USP42: variants seen among roughly 807,000 people sequenced by gnomAD.
USP42 encodes ubiquitin specific peptidase 42, also known as ubiquitin carboxyl-terminal hydrolase 42.
Under a neutral mutation model 113.0 loss-of-function variants are expected in USP42, and 23 were observed. The ratio of observed to expected loss-of-function variants is 0.20; its 90% CI spans 0.15 to 0.29. The LOEUF is 0.29. USP42 is among the 10% of genes least tolerant of loss of function. USP42 has a pLI of 1.00. For missense variants in USP42, 2,174 were observed against 1,779.8 expected (o/e 1.22, Z -3.99); for synonymous variants, 933 against 699.0 (o/e 1.33, Z -5.28).
At position 6,161,447 on chromosome 7, in the gene USP42, TTGTTCAGAGA is replaced by T. The variant is rs1282332265; in HGVS notation, c.*934_*943del. On this transcript the variant is annotated 3_prime_UTR_variant, in exon 18 of 18. Transcript: ENST00000306177. Reference sequence around the variant, plus strand: ...ATCTGTATGGTTTATACAGTTTGTGTTGTTCAGAGATGTTTAAAGTTTGATCTTTGTTTTT... The same window carrying T: ...ATCTGTATGGTTTATACAGTTTGTGTTGTTTAAAGTTTGATCTTTGTTTTT... 2 of 152,644 alleles carry T rather than the reference TTGTTCAGAGA, an allele frequency of 1.3e-5. No individual in the cohort carries two copies. Among genetic ancestry groups the T allele is most frequent in the Non-Finnish European group, 2.9e-5 (2 of 68,036 alleles). 9.5% of individuals were successfully genotyped at this position (152,644 alleles called of 1,614,324 possible).
intron 3 of USP42, among the ~76,000 whole-genome samples, chr7:6,133,416 G>C (rs1388797360): frequency 6.6e-6 from 1 of 152,018 alleles, no homozygotes; most frequent in Non-Finnish European, 1.5e-5. Context: ...TTTTATTATG[G>C]ATATTTTCTA....
chr7:6,131,664 T>G (rs1293479059), intron 3 of USP42, among the ~76,000 whole-genome samples: 1 of 152,150 alleles, frequency 6.6e-6, no homozygotes, highest in Admixed American at 6.5e-5. Context: ...GCTTCCAGGT[T>G]GCTGACTTTA....
At chr7:6,120,034 C>T (rs940690436) in intron 3 of USP42, among the ~76,000 whole-genome samples, 3 of 152,288 alleles carry the variant, frequency 2.0e-5, no homozygotes, top group South Asian at 2.1e-4. Context: ...GGCGCTGTCT[C>T]GGCTCACTGC....
chr7:6,122,303 A>G (rs1780269772), intron 3 of USP42, among the ~76,000 whole-genome samples: 1 of 146,972 alleles, frequency 6.8e-6, no homozygotes, highest in Non-Finnish European at 1.5e-5. Context: ...TTTTTTAAAG[A>G]CAGGGTCTCA....
intron 3 of USP42, among the ~76,000 whole-genome samples, chr7:6,121,619 G>T (rs1780230364): frequency 6.6e-6 from 1 of 152,112 alleles, no homozygotes; most frequent in Non-Finnish European, 1.5e-5. Context: ...AAGCCATCTG[G>T]ACCTTGCAGT....
intron 11 of USP42, among the ~76,000 whole-genome samples, chr7:6,147,300 A>G (rs1255360819): frequency 6.6e-6 from 1 of 152,214 alleles, no homozygotes; most frequent in Non-Finnish European, 1.5e-5. Context: ...CCATTTCTAC[A>G]GAAAATAAAA....
At chr7:6,095,435 T>C in the USP42 span, among the ~76,000 whole-genome samples, 85,885 of 150,646 alleles carry the variant, frequency 0.57, 27,395 homozygotes, top group East Asian at 0.89. Context: ...TTTGGCAGGT[T>C]GAGGCAGGCA....
chr7:6,149,408 A>G (rs1030927986), intron 12 of USP42, among the ~76,000 whole-genome samples, 175 bp from the exon 13 acceptor site: 6 of 151,940 alleles, frequency 3.9e-5, no homozygotes, highest in African/African-American at 1.5e-4. Context: ...GCCTGTGGAA[A>G]GTATGCGCGG....
In USP42 at chr7:6,155,962, G is replaced by A. The variant is rs528161461; in HGVS notation, c.3641+767G>A. Among the ~76,000 whole-genome samples the A allele has an allele frequency of 7.9e-5, 12 of 152,196 alleles. No homozygotes were observed. In the East Asian group the frequency reaches 9.6e-4, roughly 12 times the overall value. On this transcript the variant is annotated intron_variant, in intron 15 of 17. Coordinates refer to ENST00000306177, the MANE Select transcript of USP42 (RefSeq NM_032172.3). Reference sequence around the variant, plus strand: ...TGTAAAGACAGGATCTCACTATGCCGCGCACGCTGTTCTCAAACCCCTAGA... The same window carrying A: ...TGTAAAGACAGGATCTCACTATGCCACGCACGCTGTTCTCAAACCCCTAGA...
At position 6,159,090 on chromosome 7, in the gene USP42, G is replaced by A. The variant is rs1411822277; in HGVS notation, c.3944-360G>A. Among the ~76,000 whole-genome samples the A allele has an allele frequency of 6.6e-6, 1 of 152,204 alleles. No homozygotes were observed. The highest frequency in any genetic ancestry group is 2.4e-5 in the African/African-American group (1 of 41,452). ...CCGGCCCCGCCTCACCCAGCGTCCT[G>A]TGGTCCTGCGGGTCCCCCTCTACCC... On this transcript the variant is annotated intron_variant, in intron 16 of 17. Transcript: ENST00000306177. The surrounding 1 kb of genome is among the most constrained non-coding windows in gnomAD (Gnocchi z 4.1).
At chr7:6,151,983 G>A (rs552772370) in intron 14 of USP42, among the ~76,000 whole-genome samples, 6 of 152,238 alleles carry the variant, frequency 3.9e-5, no homozygotes, top group South Asian at 4.1e-4. Context: ...CTTTGTAAAG[G>A]CCCTTCAAGG....
intron 12 of USP42, 37 bp downstream of exon 12, chr7:6,147,929 AT>A: frequency 6.4e-7 from 1 of 1,558,156 alleles, no homozygotes; most frequent in South Asian, 1.2e-5. Flanking sequence ...TTTTATGTTA[AT>A]TTTTAAAATG....
chr7:6,111,089 C>A, intron 1 of USP42, 36 bp from the exon 2 acceptor site: 1 of 1,580,730 alleles, frequency 6.3e-7, no homozygotes, highest in Non-Finnish European at 8.6e-7. Context: ...CTTTTCTCAC[C>A]TGATGAAACA....
At chr7:6,099,333 G>A in the USP42 span, among the ~76,000 whole-genome samples, 1 of 145,092 alleles carries the variant, frequency 6.9e-6, no homozygotes, top group Admixed American at 7.0e-5. Context: ...TCCTGCCTTA[G>A]CCTCCCCAGT....
At chr7:6,144,339 T>TC in intron 9 of USP42, 143 bp downstream of exon 9, 1 of 604,498 alleles carries the variant, frequency 1.7e-6, no homozygotes, top group Non-Finnish European at 2.8e-6. Context: ...TTGTCTGTTT[T>TC]GTTGGTACCC....
At chr7:6,156,323 C>T (rs1220089249) in intron 15 of USP42, among the ~76,000 whole-genome samples, 1 of 152,214 alleles carries the variant, frequency 6.6e-6, no homozygotes. Flanking sequence ...TTAGCAGAAT[C>T]CTCCCTGCAG....
Position 6,157,497 on chromosome 7 carries a change from A to C in USP42, c.3943+442A>C, listed in dbSNP as rs543916463. 1.8e-5 allele frequency: 11 copies of C among 628,532 alleles called. No homozygotes were observed. Among genetic ancestry groups the C allele is most frequent in the Non-Finnish European group, 2.2e-5 (11 of 504,148 alleles). 38.9% of individuals were successfully genotyped at this position (628,532 alleles called of 1,614,324 possible). A position where few individuals can be genotyped will look rare whatever the true frequency, so the allele number is the denominator to read the frequency against. On this transcript the variant is annotated intron_variant, in intron 16 of 17. Transcript: ENST00000306177. This position sits in a 1 kb window ranked among gnomAD's most constrained non-coding sequence, Gnocchi z 4.1. ...ACTGCAACCTCTGCCTCCCAGGTTC[A>C]TGCTGTTCTCCTGCCTCAGCCTCCT...
chr7:6,111,045 T>G, intron 1 of USP42, 80 bp from the exon 2 acceptor site: 1 of 1,406,360 alleles, frequency 7.1e-7, no homozygotes, highest in Non-Finnish European at 9.5e-7. Context: ...GCTGGAATGA[T>G]CTTCCAAGAT....
chr7:6,087,459 C>G, the USP42 span, among the ~76,000 whole-genome samples: 2 of 149,456 alleles, frequency 1.3e-5, no homozygotes, highest in Non-Finnish European at 2.9e-5. Context: ...ACCTCAGCCT[C>G]CTGAGTAGCT....
Sources: gnomAD v4.1 joint callset for allele counts (sites outside exome capture counted in the v4.1 genomes callset) on GRCh38, gnomAD v4.1.1 for gene constraint, Gnocchi (gnomAD v3.1) non-coding constraint, MANE v1.5 for transcripts, NCBI Gene and HGNC (gene_info 2026-07-23, HGNC 2026-07-21) for gene names.